The following ZBTB24 variants were observed in gnomAD, a reference collection of about 807,000 sequenced individuals.
The protein encoded by ZBTB24 is zinc finger and BTB domain containing 24.
ZBTB24 carries 32 observed loss-of-function variants against 53.8 expected under a neutral mutation model. That is an observed-to-expected ratio of 0.60 (90% CI 0.45 to 0.80). ZBTB24 has a LOEUF of 0.80. ZBTB24 is among the 30% of genes least tolerant of loss of function. ZBTB24 has a pLI of 0.00. For synonymous variants in ZBTB24, 297 were observed against 306.7 expected, an observed-to-expected ratio of 0.97 and a Z score of 0.33; for missense variants, 722 against 837.1, an observed-to-expected ratio of 0.86 and a Z score of 1.70.
At chr6:109,475,187 A>G (rs561772462) in intron 5 of ZBTB24, among the ~76,000 whole-genome samples, 26 of 152,246 alleles carry the variant, frequency 1.7e-4, no homozygotes, top group Admixed American at 3.3e-4. Context: ...AGTGATCTCC[A>G]TTTTGCTCAT....
intron 4 of ZBTB24, 100 bp downstream of exon 4, chr6:109,476,075 G>C (rs771513141): frequency 1.3e-5 from 17 of 1,345,178 alleles, no homozygotes; most frequent in Non-Finnish European, 1.8e-5. Context: ...CTATGTGAAC[G>C]ATATGTGCTA....
At chr6:109,475,330 G>C in intron 5 of ZBTB24, 69 bp downstream of exon 5, 1 of 1,575,678 alleles carries the variant, frequency 6.3e-7, no homozygotes, top group Non-Finnish European at 8.7e-7. Context: ...AGGGCACTCA[G>C]AGAACTTCAT....
chr6:109,478,538 T>C (rs1178363992), intron 2 of ZBTB24, among the ~76,000 whole-genome samples: 2 of 151,978 alleles, frequency 1.3e-5, no homozygotes, highest in Non-Finnish European at 2.9e-5. Context: ...ACAGACTCTC[T>C]CATACAAAAA....
intron 5 of ZBTB24, among the ~76,000 whole-genome samples, chr6:109,471,180 G>A (rs1049560638): frequency 7.2e-5 from 11 of 152,176 alleles, no homozygotes; most frequent in African/African-American, 2.7e-4. Flanking sequence ...GGCAAAAAAG[G>A]GACACATGTC....
chr6:109,469,189 T>G (rs563106771), intron 5 of ZBTB24, among the ~76,000 whole-genome samples: 17 of 152,380 alleles, frequency 1.1e-4, no homozygotes, highest in Non-Finnish European at 1.5e-4. Context: ...ATAATCTGTC[T>G]ATAGCTTTCT....
rs1775994764 is a variant in ZBTB24 at position 109,464,826 on chromosome 6, G to A, written c.*1025C>T. The A allele has an allele frequency of 6.6e-6, 1 of 152,118 alleles. No homozygotes were observed. The highest frequency in any genetic ancestry group is 1.5e-5 in the Non-Finnish European group (1 of 68,024). 9.4% of individuals were successfully genotyped at this position (152,118 alleles called of 1,614,324 possible). On this transcript the variant is annotated 3_prime_UTR_variant, in exon 7 of 7. Coordinates refer to ENST00000230122, the MANE Select transcript of ZBTB24 (RefSeq NM_014797.3). ...GTCTCTAAAAAAGGAAAGATTAGGA[G>A]AAGATATTCACTTTGTGGGATTTAA...
In ZBTB24 at chr6:109,476,889, C is replaced by CA; in HGVS notation, c.993dup (p.Ala332CysfsTer50). ...TGGACCTGTAGCGAGTGCTTCTGGGCAAAGCCTTTTCCACACTCATTACAT... is the reference window on the plus strand; with the variant it reads ...TGGACCTGTAGCGAGTGCTTCTGGGCAAAAGCCTTTTCCACACTCATTACAT... On this transcript the variant is annotated frameshift_variant, in exon 3 of 7. Coordinates refer to ENST00000230122, the MANE Select transcript of ZBTB24 (RefSeq NM_014797.3). LOFTEE classifies it high-confidence loss of function. 1 of 1,614,132 alleles carries CA rather than the reference C, an allele frequency of 6.2e-7. No homozygotes were observed. Among genetic ancestry groups the CA allele is most frequent in the Non-Finnish European group, 8.5e-7 (1 of 1,180,026 alleles).
In ZBTB24 at chr6:109,466,541, G is replaced by A; in HGVS notation, c.1404C>T (p.Gly468=). 1 of 1,613,004 alleles carries A rather than the reference G, an allele frequency of 6.2e-7. No individual in the cohort carries two copies. The change falls in exon 7 of 7, where the codon GGC becomes GGT. Residue 468 remains glycine, a synonymous_variant. Coordinates refer to ENST00000230122, the MANE Select transcript of ZBTB24 (RefSeq NM_014797.3). ...TGGCACTGGAGTCAGAGAAGGATTTGCCACAAATGCCACAGGAGTATGGCT... is the reference window on the plus strand; with the variant it reads ...TGGCACTGGAGTCAGAGAAGGATTTACCACAAATGCCACAGGAGTATGGCT... ...GEKPYSCGIC[G]KSFSDSSAKR...
In ZBTB24 at chr6:109,483,156, C is replaced by T. The variant is rs997652859; in HGVS notation, c.-87G>A. 5 of 152,122 alleles carry T rather than the reference C, an allele frequency of 3.3e-5. No individual in the cohort carries two copies. The highest frequency in any genetic ancestry group is 7.3e-5 in the Non-Finnish European group (5 of 68,110). The allele number at this position is 152,122 out of a possible 1,614,324, so 9.4% of individuals were successfully genotyped here. ...CGCTGGCCCTCCGCTCCGCCCCGCC[C>T]GCCTCTGGGGCTTCTGCGCCGCACC... On this transcript the variant is annotated 5_prime_UTR_variant, in exon 1 of 7. Transcript: ENST00000230122.
chr6:109,465,937 G>GA lies in ZBTB24; in HGVS notation c.2007_2008insT (p.His670SerfsTer35). ...CCAGGCTCCTGTGTCAGCTGCAGGT[G>GA]CTGAGCTGGATCTGAAGTACTTGTA... On this transcript the variant is annotated frameshift_variant, in exon 7 of 7. Transcript: ENST00000230122. LOFTEE classifies it low-confidence loss of function (END_TRUNC). 1 of 1,614,210 alleles carries GA rather than the reference G, an allele frequency of 6.2e-7. No homozygotes were observed. Among genetic ancestry groups the GA allele is most frequent in the Non-Finnish European group, 8.5e-7 (1 of 1,180,044 alleles).
rs747200354 is a variant in ZBTB24 at position 109,481,492 on chromosome 6, C to A, written c.535G>T (p.Ala179Ser). 6.2e-7 allele frequency: 1 copy of A among 1,614,088 alleles called. No homozygotes were observed. The highest frequency in any genetic ancestry group is 1.3e-5 in the African/African-American group (1 of 74,932). ...NTLQEEKSEL[A>S]AEEEIQLRVN... ...CTTAACTGTATTTCTTCCTCTGCAG[C>A]CAGTTCTGATTTCTCCTCCTGCAAT... The change falls in exon 2 of 7, where the codon GCT (alanine) becomes TCT (serine). Residue 179 changes from alanine (A) to serine (S), a missense_variant. By Grantham distance (99) the Ala-to-Ser change is moderately conservative. Coordinates refer to ENST00000230122, the MANE Select transcript of ZBTB24 (RefSeq NM_014797.3).
At chr6:109,471,783 T>C (rs1195596704) in intron 5 of ZBTB24, among the ~76,000 whole-genome samples, 4 of 152,200 alleles carry the variant, frequency 2.6e-5, no homozygotes, top group Admixed American at 2.6e-4. Context: ...ATTGAGTTGA[T>C]ATATCCTCTG....
Position 109,465,849 on chromosome 6 carries a change from G to A in ZBTB24, c.*2C>T. On this transcript the variant is annotated 3_prime_UTR_variant, in exon 7 of 7. Transcript: ENST00000230122. Reference sequence around the variant, plus strand: ...AATCAAGCAGTCAAACGTGTTTACAGGTCAGCTCTGCTCCTGGCCAAGTGG... The same window carrying A: ...AATCAAGCAGTCAAACGTGTTTACAAGTCAGCTCTGCTCCTGGCCAAGTGG... The A allele has an allele frequency of 6.2e-7, 1 of 1,614,198 alleles. No homozygotes were observed. Among genetic ancestry groups the A allele is most frequent in the Non-Finnish European group, 8.5e-7 (1 of 1,180,034 alleles).
At chr6:109,467,620 C>G (rs766011511) in intron 6 of ZBTB24, 33 bp downstream of exon 6, 1 of 1,614,104 alleles carries the variant, frequency 6.2e-7, no homozygotes, top group East Asian at 2.2e-5. Context: ...TGAATGAGGC[C>G]TCCATGCGAG....
At chr6:109,477,004 A>C in intron 2 of ZBTB24, 74 bp from the exon 3 acceptor site, 1 of 1,555,496 alleles carries the variant, frequency 6.4e-7, no homozygotes, top group South Asian at 1.2e-5. Flanking sequence ...AATTAAAAAA[A>C]CAATAAAGGA....
At chr6:109,474,576 C>CA (rs1776240092) in intron 5 of ZBTB24, among the ~76,000 whole-genome samples, 1 of 151,534 alleles carries the variant, frequency 6.6e-6, no homozygotes, top group Non-Finnish European at 1.5e-5. Context: ...ACTAAAAATA[C>CA]AAAAAAAATT....
rs387907104 is a variant in ZBTB24 at position 109,476,925 on chromosome 6, G to A, written c.958C>T (p.Arg320Ter). ...CCACACTCATTACATTTGAAAGGTC[G>A]CTCCCCTGGAAGAAGAGCCCCAGAA... ...AIHQRSHTGE[R>*]PFKCNECGKG... is the part of the protein sequence containing the mutation. Residue 320 changes from arginine to a stop codon, truncating the protein, a stop_gained, in exon 3 of 7, where the codon CGA becomes TGA. Coordinates refer to ENST00000230122, the MANE Select transcript of ZBTB24 (RefSeq NM_014797.3). LOFTEE classifies it high-confidence loss of function. The A allele has an allele frequency of 7.4e-6, 12 of 1,613,664 alleles. No homozygotes were observed. Among genetic ancestry groups the A allele is most frequent in the African/African-American group, 6.7e-5 (5 of 74,908 alleles).
At position 109,465,500 on chromosome 6, in the gene ZBTB24, TG is replaced by T; in HGVS notation, c.*350del. On this transcript the variant is annotated 3_prime_UTR_variant, in exon 7 of 7. Coordinates refer to ENST00000230122, the MANE Select transcript of ZBTB24 (RefSeq NM_014797.3). ...GTCCTAGAAAACAAAAAAACATAAC[TG>T]GGGAGGTTGGCAAGACCATAACCTA... The T allele has an allele frequency of 1.4e-6, 1 of 726,766 alleles. No individual in the cohort carries two copies. The highest frequency in any genetic ancestry group is 2.2e-6 in the Non-Finnish European group (1 of 454,746). The allele number at this position is 726,766 out of a possible 1,614,324, so 45.0% of individuals were successfully genotyped here. A position where few individuals can be genotyped will look rare whatever the true frequency, so the allele number is the denominator to read the frequency against.
Position 109,465,663 on chromosome 6 carries a change from C to A in ZBTB24, c.*188G>T. 6.3e-7 allele frequency: 1 copy of A among 1,575,570 alleles called. No homozygotes were observed. Among genetic ancestry groups the A allele is most frequent in the Non-Finnish European group, 8.6e-7 (1 of 1,166,852 alleles). On this transcript the variant is annotated 3_prime_UTR_variant, in exon 7 of 7. Coordinates refer to ENST00000230122, the MANE Select transcript of ZBTB24 (RefSeq NM_014797.3). ...TTGAAATGCTCAATACAAATCAGTACCTTAGACAAGACATACACACATCTT... is the reference window on the plus strand; with the variant it reads ...TTGAAATGCTCAATACAAATCAGTAACTTAGACAAGACATACACACATCTT...
Sources: allele counts gnomAD v4.1 joint callset (sites outside exome capture counted in the v4.1 genomes callset), GRCh38; gene constraint gnomAD v4.1.1; transcripts MANE v1.5; gene names NCBI Gene and HGNC (gene_info 2026-07-23, HGNC 2026-07-21).